The following IL12RB1 variants were observed in gnomAD, a reference collection of about 807,000 sequenced individuals.
The protein encoded by IL12RB1 is interleukin 12 receptor subunit beta 1.
In IL12RB1, 64 loss-of-function variants were observed where a neutral mutation model predicts 94.4. The ratio of observed to expected loss-of-function variants is 0.68; its 90% confidence interval spans 0.55 to 0.83. IL12RB1 has a LOEUF of 0.83. IL12RB1 is among the 40% of genes least tolerant of loss of function. The probability of loss-of-function intolerance (pLI) is 0.00; values close to 1 mark genes in which losing one functional copy is unlikely to be tolerated. For synonymous variants in IL12RB1, 362 were observed against 355.5 expected (o/e 1.02, Z -0.21); for missense variants, 814 against 855.6 (o/e 0.95, Z 0.61).
intron 9 of IL12RB1, chr19:18,070,506 C>T: frequency 2.0e-6 from 2 of 984,844 alleles, no homozygotes; most frequent in Non-Finnish European, 2.4e-6. Flanking sequence ...CTCTCCCACT[C>T]CCTCCCGCCA....
chr19:18,082,342 C>T, intron 2 of IL12RB1, 78 bp from the exon 3 acceptor site: 4 of 824,732 alleles, frequency 4.9e-6, no homozygotes, highest in Non-Finnish European at 8.3e-6. Flanking sequence ...CTTTGTGATG[C>T]TTACATCTTT....
At chr19:18,069,906 G>C (rs762107017) in intron 9 of IL12RB1, among the ~76,000 whole-genome samples, 193 bp from the exon 10 acceptor site, 12 of 151,884 alleles carry the variant, frequency 7.9e-5, no homozygotes, top group African/African-American at 2.9e-4. Context: ...GTAGCAGATG[G>C]CGTTTGTTTT....
rs117069390 is a variant in IL12RB1 at position 18,085,662 on chromosome 19, T to A, written c.64+1098A>T. ...TCTTGCTCTGCCACACAGGCTGGAA[T>A]GCAGTGCTGCAATCTCGGCTCACTG... On this transcript the variant is annotated intron_variant, in intron 1 of 16. Coordinates refer to ENST00000593993, the MANE Select transcript of IL12RB1 (RefSeq NM_005535.3). Among the ~76,000 whole-genome samples the A allele has an allele frequency of 3.4e-3, 521 of 152,214 alleles. 14 individuals are homozygous for A. In the East Asian group the frequency reaches 0.065, roughly 19 times the overall value.
chr19:18,096,230 A>G (rs2036919227), intron 1 of IL12RB1, among the ~76,000 whole-genome samples: 1 of 151,906 alleles, frequency 6.6e-6, no homozygotes, highest in African/African-American at 2.4e-5. Flanking sequence ...TGACAGAGAG[A>G]GACCCTGTCT....
chr19:18,059,714 C>G (rs1399631743), intron 16 of IL12RB1, 101 bp from the exon 17 acceptor site: 1 of 761,262 alleles, frequency 1.3e-6, no homozygotes, highest in Non-Finnish European at 2.5e-6. Context: ...GCCATAAGTG[C>G]TTAATAACCA....
At chr19:18,065,142 A>G (rs1446900114) in intron 12 of IL12RB1, among the ~76,000 whole-genome samples, 1 of 152,180 alleles carries the variant, frequency 6.6e-6, no homozygotes, top group Non-Finnish European at 1.5e-5. Context: ...CTACACGGCC[A>G]CTTCAGTAAA....
intron 8 of IL12RB1, among the ~76,000 whole-genome samples, chr19:18,073,070 T>C (rs182519305): frequency 6.6e-6 from 1 of 152,128 alleles, no homozygotes. Flanking sequence ...AAGATGACTA[T>C]GGTAAAGTCA....
rs748025608 is a variant in IL12RB1, at chr19:18,062,215, G to A, written c.1681C>T (p.Leu561Phe). The A allele has an allele frequency of 6.2e-7, 1 of 1,613,466 alleles. No individual in the cohort carries two copies. The highest frequency in any genetic ancestry group is 8.5e-7 in the Non-Finnish European group (1 of 1,179,564). Reference protein sequence around the residue: ...ASLGSFLSILLVGVLGYLGLN... With the variant: ...ASLGSFLSILFVGVLGYLGLN... ...CCAAGGTAGCCAAGGACGCCCACGAGAAGGATGCTCAGGAAGCTCCCCAGG... is the reference window on the plus strand; with the variant it reads ...CCAAGGTAGCCAAGGACGCCCACGAAAAGGATGCTCAGGAAGCTCCCCAGG... Residue 561 changes from leucine (L) to phenylalanine (F), a missense_variant, in exon 14 of 17, where the codon CTC (leucine) becomes TTC (phenylalanine). Coordinates refer to ENST00000593993, the MANE Select transcript of IL12RB1 (RefSeq NM_005535.3).
intron 9 of IL12RB1, 77 bp downstream of exon 9, chr19:18,072,035 C>G (rs1467658558): frequency 2.0e-6 from 2 of 1,017,510 alleles, no homozygotes; most frequent in Non-Finnish European, 3.1e-6. Context: ...TCCTCTCACC[C>G]TGGTCTAGCT....
At chr19:18,061,771 G>T (rs1380440030) in intron 14 of IL12RB1, among the ~76,000 whole-genome samples, 1 of 151,688 alleles carries the variant, frequency 6.6e-6, no homozygotes, top group Admixed American at 6.6e-5. Flanking sequence ...GCTGAGACAG[G>T]AGAATGGCTT....
chr19:18,092,272 C>G (rs1045551164), intron 1 of IL12RB1, among the ~76,000 whole-genome samples: 2 of 149,048 alleles, frequency 1.3e-5, no homozygotes, highest in Non-Finnish European at 3.0e-5. Context: ...GGGCAGATCA[C>G]TTGAGGTCAG....
intron 1 of IL12RB1, 65 bp from the exon 2 acceptor site, chr19:18,083,556 C>A (rs2036063167): frequency 6.5e-7 from 1 of 1,532,094 alleles, no homozygotes. Flanking sequence ...AAGGGCTCAG[C>A]CTTGGGGTCT....
chr19:18,064,828 T>C (rs2034459357), intron 12 of IL12RB1, among the ~76,000 whole-genome samples: 1 of 152,112 alleles, frequency 6.6e-6, no homozygotes, highest in Non-Finnish European at 1.5e-5. Flanking sequence ...GATTGGACTC[T>C]GGAGGCAGGG....
chr19:18,077,816 T>C (rs1294293093), intron 4 of IL12RB1, among the ~76,000 whole-genome samples, 161 bp from the exon 5 acceptor site: 1 of 152,120 alleles, frequency 6.6e-6, no homozygotes, highest in Non-Finnish European at 1.5e-5. Flanking sequence ...GATCAAAAAG[T>C]CAAGATTTAT....
chr19:18,083,137 C>G (rs1188777051), intron 2 of IL12RB1: 3 of 536,482 alleles, frequency 5.6e-6, no homozygotes, highest in Non-Finnish European at 6.7e-6. Flanking sequence ...GGGGGGGGGG[C>G]TTCAAAATGC....
chr19:18,079,096 C>T (rs1232014224), intron 4 of IL12RB1, among the ~76,000 whole-genome samples: 1 of 149,068 alleles, frequency 6.7e-6, no homozygotes, highest in Non-Finnish European at 1.5e-5. Flanking sequence ...GTGGTGAGAA[C>T]ACTTAAAATT....
At chr19:18,097,918 A>T in intron 1 of IL12RB1, 1 of 1,078,020 alleles carries the variant, frequency 9.3e-7, no homozygotes, top group Non-Finnish European at 1.2e-6. Context: ...CGGGGCCTTC[A>T]CGGGCTGTAG....
At chr19:18,086,271 A>AATAT (rs1240448798) in intron 1 of IL12RB1, among the ~76,000 whole-genome samples, 7 of 149,900 alleles carry the variant, frequency 4.7e-5, no homozygotes, top group Non-Finnish European at 4.4e-5. Context: ...TAAATAAATA[A>AATAT]GTAAAGTATA....
chr19:18,059,728 G>A (rs1568481746), intron 16 of IL12RB1, 115 bp from the exon 17 acceptor site: 2 of 751,768 alleles, frequency 2.7e-6, no homozygotes, highest in Non-Finnish European at 5.0e-6. Context: ...ATAACCAGCC[G>A]TTGTGATTGA....
Sources: allele counts gnomAD v4.1 joint callset (sites outside exome capture counted in the v4.1 genomes callset), GRCh38; gene constraint gnomAD v4.1.1; transcripts MANE v1.5; gene names NCBI Gene and HGNC (gene_info 2026-07-23, HGNC 2026-07-21).